GARRE1: variants seen among roughly 807,000 people sequenced by gnomAD.
The protein encoded by GARRE1 is granule associated Rac and RHOG effector 1.
A neutral mutation model predicts 103.2 loss-of-function variants in GARRE1; 49 were observed. The observed-to-expected ratio is 0.47, with a 90% CI of 0.38 to 0.60. GARRE1 has a LOEUF of 0.60. Among genes scored for constraint, GARRE1 ranks in the 20% least tolerant of loss-of-function variants. GARRE1 has a pLI of 0.00. For synonymous variants in GARRE1, 505 were observed against 532.8 expected, an observed-to-expected ratio of 0.95 and a Z score of 0.72; for missense variants, 1,199 against 1,370.5, an observed-to-expected ratio of 0.87 and a Z score of 1.98.
intron 1 of GARRE1, among the ~76,000 whole-genome samples, chr19:34,266,289 G>T (rs1002964044): frequency 6.6e-6 from 1 of 152,186 alleles, no homozygotes; most frequent in African/African-American, 2.4e-5. Context: ...GAATCACCTA[G>T]AATTTTCTCA....
At chr19:34,331,925 A>T (rs1465306162) in intron 7 of GARRE1, among the ~76,000 whole-genome samples, 1 of 151,438 alleles carries the variant, frequency 6.6e-6, no homozygotes, top group East Asian at 1.9e-4. Context: ...CAGGAGTCAG[A>T]GGTTGCAGTG....
chr19:34,281,682 G>A (rs10412920), intron 1 of GARRE1, among the ~76,000 whole-genome samples: 14,552 of 152,200 alleles, frequency 0.096, 1,086 homozygotes, highest in African/African-American at 0.2. Flanking sequence ...GCCTCCCAAA[G>A]TGATGGGATT....
intron 1 of GARRE1, among the ~76,000 whole-genome samples, chr19:34,263,844 T>C (rs1469229876): frequency 6.6e-6 from 1 of 152,164 alleles, no homozygotes; most frequent in Non-Finnish European, 1.5e-5. Flanking sequence ...ACATGGCTGT[T>C]GTGTAGAGTG....
chr19:34,337,096 T>G (rs1022315294), intron 8 of GARRE1, among the ~76,000 whole-genome samples: 6 of 151,916 alleles, frequency 3.9e-5, no homozygotes, highest in Admixed American at 3.3e-4. Context: ...ATGTGCTTGT[T>G]GGGAAGAACA....
chr19:34,291,272 C>T (rs2073916543), intron 1 of GARRE1, among the ~76,000 whole-genome samples: 1 of 152,084 alleles, frequency 6.6e-6, no homozygotes, highest in Non-Finnish European at 1.5e-5. Context: ...AAGTCAGGAA[C>T]CACGTGCACA....
At chr19:34,306,538 A>T (rs2074008211) in intron 2 of GARRE1, among the ~76,000 whole-genome samples, 1 of 152,116 alleles carries the variant, frequency 6.6e-6, no homozygotes, top group Admixed American at 6.5e-5. Flanking sequence ...TCCAGTCTAT[A>T]CTCACCAGTG....
chr19:34,285,922 T>A (rs1371207760), intron 1 of GARRE1, among the ~76,000 whole-genome samples: 1 of 152,242 alleles, frequency 6.6e-6, no homozygotes, highest in African/African-American at 2.4e-5. Flanking sequence ...GTTTTTTCTC[T>A]CTGCTTGGGT....
intron 3 of GARRE1, among the ~76,000 whole-genome samples, chr19:34,321,745 G>A (rs1263212913): frequency 9.9e-5 from 15 of 152,188 alleles, no homozygotes; most frequent in Non-Finnish European, 2.2e-4. Context: ...GAAAGTGCTG[G>A]GATTACAGGC....
intron 6 of GARRE1, among the ~76,000 whole-genome samples, chr19:34,328,602 T>C (rs1299746453): frequency 6.6e-6 from 1 of 152,002 alleles, no homozygotes; most frequent in Non-Finnish European, 1.5e-5. Context: ...AGTTTTCGTT[T>C]TGTTTTGTTT....
intron 9 of GARRE1, 69 bp downstream of exon 9, chr19:34,340,061 C>T: frequency 2.0e-6 from 3 of 1,528,700 alleles, no homozygotes; most frequent in East Asian, 2.3e-5. Flanking sequence ...TTCATGTGTG[C>T]TTGTGTCATT....
intron 10 of GARRE1, among the ~76,000 whole-genome samples, chr19:34,344,754 A>G (rs962529478): frequency 6.6e-6 from 1 of 150,782 alleles, no homozygotes; most frequent in Non-Finnish European, 1.5e-5. Context: ...CTTACTTGCA[A>G]CCTCTGCCTC....
In GARRE1 at chr19:34,293,750, CTTTTTTTT is replaced by C. The variant is rs71165643; in HGVS notation, c.-795-5910_-795-5903del. Among the ~76,000 whole-genome samples the C allele has an allele frequency of 5.3e-3, 251 of 47,152 alleles. 5 individuals carry two copies. Among genetic ancestry groups the C allele is most frequent in the African/African-American group, 0.012 (133 of 11,034 alleles). The allele number at this position is 47,152 out of a possible 152,430, so 30.9% of individuals were successfully genotyped here. ...CACACACACACACACACACATATTT[CTTTTTTTT>C]TTTTTTTTTTTTTTTTTTGAGACGG... is the stretch of plus-strand genomic sequence containing the variant. On this transcript the variant is annotated intron_variant, in intron 1 of 13. Transcript: ENST00000299505.
chr19:34,350,290 C>T (rs541186573), intron 12 of GARRE1, among the ~76,000 whole-genome samples: 1 of 152,224 alleles, frequency 6.6e-6, no homozygotes, highest in African/African-American at 2.4e-5. Flanking sequence ...AAGTTTTCTG[C>T]CTGAGTTTCT....
chr19:34,350,996 C>G (rs1397997520), intron 12 of GARRE1, among the ~76,000 whole-genome samples: 1 of 151,658 alleles, frequency 6.6e-6, no homozygotes, highest in Non-Finnish European at 1.5e-5. Flanking sequence ...GTCAGGAGTT[C>G]GAGATCAGCC....
At chr19:34,301,015 A>G (rs1414780720) in intron 2 of GARRE1, 47 bp downstream of exon 2, 22 of 1,531,482 alleles carry the variant, frequency 1.4e-5, no homozygotes, top group Non-Finnish European at 1.9e-5. Context: ...TATACTACAA[A>G]GGTAAGTGAG....
chr19:34,263,746 C>G (rs2073734373), intron 1 of GARRE1, among the ~76,000 whole-genome samples: 1 of 152,174 alleles, frequency 6.6e-6, no homozygotes, highest in African/African-American at 2.4e-5. Context: ...CTCGGCCTCC[C>G]AAAGTGCTGG....
chr19:34,311,479 G>A (rs1271480099), intron 2 of GARRE1, among the ~76,000 whole-genome samples: 1 of 152,108 alleles, frequency 6.6e-6, no homozygotes, highest in Admixed American at 6.5e-5. Flanking sequence ...CTAGAAATAG[G>A]AGCCTCGCAT....
chr19:34,301,589 T>A (rs78446806), intron 2 of GARRE1, among the ~76,000 whole-genome samples: 2,195 of 151,706 alleles, frequency 0.014, 25 homozygotes, highest in South Asian at 0.026. Flanking sequence ...GTCTTTCAAA[T>A]TTTCAAGTCA....
intron 2 of GARRE1, among the ~76,000 whole-genome samples, chr19:34,305,778 G>A (rs543356335): frequency 6.6e-6 from 1 of 152,318 alleles, no homozygotes; most frequent in South Asian, 2.1e-4. Context: ...AATACTTATT[G>A]TTGTAGTTTG....
Sources: gnomAD v4.1 joint callset for allele counts (sites outside exome capture counted in the v4.1 genomes callset) on GRCh38, gnomAD v4.1.1 for gene constraint, MANE v1.5 for transcripts, NCBI Gene and HGNC (gene_info 2026-07-23, HGNC 2026-07-21) for gene names.